The following BPI variants were observed in gnomAD, a reference collection of about 807,000 sequenced individuals.
BPI encodes bactericidal permeability-increasing protein.
A neutral mutation model predicts 57.6 loss-of-function variants in BPI; 48 were observed. The observed-to-expected ratio is 0.83, with a 90% CI of 0.66 to 1.06. The LOEUF (loss-of-function observed/expected upper bound fraction) is 1.06, where lower values mean the gene tolerates loss of function less well. Among genes scored for constraint, BPI ranks in the 50% least tolerant of loss-of-function variants. The pLI is 0.00. For missense variants in BPI, 651 were observed against 609.7 expected (o/e 1.07, Z -0.71); for synonymous variants, 237 against 238.2 (o/e 0.99, Z 0.05).
chr20:38,315,918 C>T (rs956116269), intron 5 of BPI, among the ~76,000 whole-genome samples: 5 of 151,684 alleles, frequency 3.3e-5, no homozygotes, highest in African/African-American at 7.3e-5. Context: ...CTGCAACCTC[C>T]GCCTCCCGGG....
chr20:38,320,478 C>A (rs964236561), intron 7 of BPI, among the ~76,000 whole-genome samples: 17 of 152,036 alleles, frequency 1.1e-4, no homozygotes, highest in Non-Finnish European at 1.9e-4. Context: ...TGCCCCACCC[C>A]CCTCCAAAGG....
intron 1 of BPI, among the ~76,000 whole-genome samples, chr20:38,306,263 G>GACCT (rs2076596179): frequency 6.6e-6 from 1 of 152,284 alleles, no homozygotes; most frequent in African/African-American, 2.4e-5. Flanking sequence ...TTGAACTCTT[G>GACCT]ACCTAAAGTG....
At chr20:38,318,962 G>A (rs1225103252) in intron 6 of BPI, among the ~76,000 whole-genome samples, 1 of 152,102 alleles carries the variant, frequency 6.6e-6, no homozygotes, top group Non-Finnish European at 1.5e-5. Flanking sequence ...GAGTAACCTG[G>A]CCGGGGTCAC....
chr20:38,324,902 A>T (rs1007125908), intron 9 of BPI, 69 bp downstream of exon 9: 16 of 1,266,562 alleles, frequency 1.3e-5, no homozygotes, highest in East Asian at 4.6e-5. Context: ...TGCTGAGTGG[A>T]TGATGAGAGC....
At chr20:38,330,650 T>G (rs1183224273) in intron 11 of BPI, among the ~76,000 whole-genome samples, 2 of 152,196 alleles carry the variant, frequency 1.3e-5, no homozygotes, top group Non-Finnish European at 2.9e-5. Context: ...TGTCACCAAG[T>G]GGTGGCAAAA....
intron 3 of BPI, among the ~76,000 whole-genome samples, chr20:38,309,600 T>C (rs2076612667): frequency 6.6e-6 from 1 of 152,182 alleles, no homozygotes; most frequent in African/African-American, 2.4e-5. Flanking sequence ...TTATATACCA[T>C]GGCCAAATCA....
chr20:38,326,848 C>A (rs1217362259), intron 10 of BPI, among the ~76,000 whole-genome samples: 2 of 152,170 alleles, frequency 1.3e-5, no homozygotes, highest in African/African-American at 2.4e-5. Context: ...TTTTCTGATT[C>A]CCACTTGCAC....
At chr20:38,321,161 ATGGATGGAT>A (rs2076682757) in intron 7 of BPI, among the ~76,000 whole-genome samples, 1 of 117,650 alleles carries the variant, frequency 8.5e-6, no homozygotes, top group African/African-American at 3.3e-5. Context: ...GGATGGATGG[ATGGATGGAT>A]GGATGGATGG....
intron 1 of BPI, among the ~76,000 whole-genome samples, chr20:38,304,647 A>G (rs942105998): frequency 6.6e-6 from 1 of 151,996 alleles, no homozygotes; most frequent in African/African-American, 2.4e-5. Context: ...TCCACCTTTG[A>G]CTTATAAGCC....
Position 38,330,450 on chromosome 20 carries a change from C to G in BPI, c.1230-598C>G, listed in dbSNP as rs374696520. ...TTCAATAAACAGCCATATGTTCCCC[C>G]CTTCCTCTGAGATCACTGTTAAAAA... On this transcript the variant is annotated intron_variant, in intron 11 of 14. Transcript: ENST00000642449. Among the ~76,000 whole-genome samples, 11 of 152,286 alleles carry G rather than the reference C, an allele frequency of 7.2e-5. No individual in the cohort carries two copies. The East Asian group carries it at 1.4e-3, about 19-fold the overall frequency.
intron 5 of BPI, among the ~76,000 whole-genome samples, chr20:38,318,208 C>A (rs960725289): frequency 2.1e-4 from 32 of 152,054 alleles, no homozygotes; most frequent in Admixed American, 2.6e-4. Context: ...GTTATGTGGG[C>A]CATACAGTCA....
rs759934707 is a variant in BPI, at chr20:38,304,302, G to A, written c.79G>A (p.Ala27Thr). Residue 27 changes from alanine (A) to threonine (T), a missense_variant, in exon 1 of 15, where the codon GCC becomes ACC. Physicochemically the swap from Ala to Thr is moderately conservative, Grantham distance 58 (BLOSUM62 0). Transcript: ENST00000642449. ...LVAIGTAVTA[A>T]VNPGVVVRIS... ...CGCCATAGGCACCGCCGTGACAGCGGCCGTCAACCCTGGCGTCGTGGTCAG... is the reference window on the plus strand; with the variant it reads ...CGCCATAGGCACCGCCGTGACAGCGACCGTCAACCCTGGCGTCGTGGTCAG... The A allele has an allele frequency of 1.9e-6, 3 of 1,614,170 alleles. No homozygotes were observed. Among genetic ancestry groups the A allele is most frequent in the Non-Finnish European group, 2.5e-6 (3 of 1,180,028 alleles).
chr20:38,337,214 C>T lies in BPI; in HGVS notation c.*30C>T, dbSNP rs547953588. On this transcript the variant is annotated 3_prime_UTR_variant, in exon 15 of 15. Transcript: ENST00000642449. Reference sequence around the variant, plus strand: ...ACCAGGGGTGCCGGGGGCTGTCAGCCACACCTGTTCCTGATGGGCTGTGGG... The same window carrying T: ...ACCAGGGGTGCCGGGGGCTGTCAGCTACACCTGTTCCTGATGGGCTGTGGG... 1.6e-5 allele frequency: 25 copies of T among 1,570,368 alleles called. No homozygotes were observed. The South Asian group carries it at 1.7e-4, about 10-fold the overall frequency.
chr20:38,309,454 C>G (rs1417330633), intron 3 of BPI, among the ~76,000 whole-genome samples: 2 of 152,162 alleles, frequency 1.3e-5, no homozygotes, highest in Non-Finnish European at 2.9e-5. Context: ...TTGGGCTTAG[C>G]AGAGGAGGCT....
At position 38,320,292 on chromosome 20, in the gene BPI, A is replaced by G; in HGVS notation, c.756+18A>G. ...AGATGAAGGTGAGGCTGACACTGAG[A>G]ATCATACACCCTCACACCTCTGTCT... On this transcript the variant is annotated intron_variant, in intron 7 of 14. Transcript: ENST00000642449. 6.2e-7 allele frequency: 1 copy of G among 1,608,852 alleles called. No individual in the cohort carries two copies. Among genetic ancestry groups the G allele is most frequent in the Non-Finnish European group, 8.5e-7 (1 of 1,175,828 alleles).
intron 11 of BPI, among the ~76,000 whole-genome samples, chr20:38,329,953 C>G (rs2076734247): frequency 6.6e-6 from 1 of 152,246 alleles, no homozygotes; most frequent in East Asian, 1.9e-4. Context: ...TTCAAGTGAT[C>G]TGCCTGCCTC....
In BPI at chr20:38,310,623, C is replaced by G; in HGVS notation, c.507C>G (p.Val169=). ...GCTGCAGCAGCCACATCAACAGTGT[C>G]CACGTGCACATCTCAAAGAGCAAAG... ...CSSCSSHINS[V]HVHISKSKVG... The change falls in exon 4 of 15, where the codon GTC becomes GTG. Residue 169 remains valine, a synonymous_variant. Transcript: ENST00000642449. 2 of 1,613,852 alleles carry G rather than the reference C, an allele frequency of 1.2e-6. No homozygotes were observed. The highest frequency in any genetic ancestry group is 1.7e-6 in the Non-Finnish European group (2 of 1,179,828).
In BPI at chr20:38,320,206, G is replaced by C. The variant is rs746839185; in HGVS notation, c.688G>C (p.Ala230Pro). Residue 230 changes from alanine to proline, a missense_variant, in exon 7 of 15, where the codon GCT becomes CCT. Ala to Pro is a conservative substitution (Grantham distance 27, BLOSUM62 -1). Transcript: ENST00000642449. ...LPVMTKIDSV[A>P]GINYGLVAPP... ...AGTAATGACCAAAATAGATTCTGTG[G>C]CTGGAATCAACTATGGTCTGGTGGC... is the stretch of plus-strand genomic sequence containing the variant. The C allele has an allele frequency of 6.2e-7, 1 of 1,614,052 alleles. No homozygotes were observed.
At chr20:38,336,758 C>A (rs982170549) in intron 14 of BPI, among the ~76,000 whole-genome samples, 1 of 152,132 alleles carries the variant, frequency 6.6e-6, no homozygotes, top group Non-Finnish European at 1.5e-5. Context: ...TGACCCATGG[C>A]ACAATTTAAT....
Sources: gnomAD v4.1 joint callset for allele counts (sites outside exome capture counted in the v4.1 genomes callset) on GRCh38, gnomAD v4.1.1 for gene constraint, MANE v1.5 for transcripts, NCBI Gene and HGNC (gene_info 2026-07-23, HGNC 2026-07-21) for gene names.